The following PXYLP1 variants were observed in gnomAD, a reference collection of about 807,000 sequenced individuals.
PXYLP1 encodes the protein acid phosphatase-like 2.
Under a neutral mutation model 37.9 loss-of-function variants are expected in PXYLP1, and 17 were observed. The observed-to-expected ratio is 0.45, with a 90% CI of 0.31 to 0.67. The LOEUF (loss-of-function observed/expected upper bound fraction) is 0.67. Ranked by LOEUF, PXYLP1 falls within the 30% of genes least tolerant of loss-of-function variation. PXYLP1 has a pLI of 0.07. For synonymous variants in PXYLP1, 221 were observed against 232.2 expected, an observed-to-expected ratio of 0.95 and a Z score of 0.44; for missense variants, 511 against 612.0, an observed-to-expected ratio of 0.84 and a Z score of 1.74.
intron 2 of PXYLP1, among the ~76,000 whole-genome samples, chr3:141,271,602 A>G (rs1017333406): frequency 3.3e-5 from 5 of 152,132 alleles, no homozygotes; most frequent in African/African-American, 1.2e-4. Context: ...ATTTCCCGGG[A>G]AACTCTGGGT....
chr3:141,260,684 C>T (rs531530160), intron 2 of PXYLP1, among the ~76,000 whole-genome samples: 1 of 152,218 alleles, frequency 6.6e-6, no homozygotes, highest in Non-Finnish European at 1.5e-5. Context: ...AAACCCACCC[C>T]CCAGGCAGCA....
In PXYLP1 at chr3:141,293,017, G is replaced by T; in HGVS notation, c.1255G>T (p.Val419Phe). The T allele has an allele frequency of 1.2e-6, 2 of 1,614,128 alleles. No individual in the cohort carries two copies. The highest frequency in any genetic ancestry group is 8.5e-7 in the Non-Finnish European group (1 of 1,180,022). Residue 419 changes from valine (V) to phenylalanine (F), a missense_variant, in exon 6 of 6, where the codon GTC becomes TTC. Coordinates refer to ENST00000286353, the MANE Select transcript of PXYLP1 (RefSeq NM_001037172.3). The part of the protein sequence containing the change: ...QDREKPSEHS[V>F]RILYNGVDVT... ...CAGAGAAAAGCCCAGTGAACATTCC[G>T]TCCGGATTCTTTACAATGGCGTCGA...
chr3:141,293,251 T>C lies in PXYLP1; in HGVS notation c.*46T>C, dbSNP rs750783197. ...ATAGAATCCATGCCAATACAGAGCA[T>C]AGGGAAAGGTCCACTTCTAGTTTTG... On this transcript the variant is annotated 3_prime_UTR_variant, in exon 6 of 6. Coordinates refer to ENST00000286353, the MANE Select transcript of PXYLP1 (RefSeq NM_001037172.3). 5 of 1,529,250 alleles carry C rather than the reference T, an allele frequency of 3.3e-6. No homozygotes were observed. Among genetic ancestry groups the C allele is most frequent in the Non-Finnish European group, 4.4e-6 (5 of 1,130,034 alleles). 94.7% of individuals were successfully genotyped at this position (1,529,250 alleles called of 1,614,324 possible). A position where few individuals can be genotyped will look rare whatever the true frequency, so the allele number is the denominator to read the frequency against.
At position 141,267,507 on chromosome 3, in the gene PXYLP1, G is replaced by C; in HGVS notation, c.79+7253G>C. ...AAATTCTGTATTTTTTGTTAATTTT[G>C]GTCCTTTTCTTAAAGATTTTACTTT... is the stretch of plus-strand genomic sequence containing the variant. On this transcript the variant is annotated intron_variant, in intron 2 of 5. Coordinates refer to ENST00000286353, the MANE Select transcript of PXYLP1 (RefSeq NM_001037172.3). The C allele has an allele frequency of 2.0e-5, 3 of 151,814 alleles. No homozygotes were observed. In the South Asian group the frequency reaches 6.2e-4, roughly 32 times the overall value. The allele number at this position is 151,814 out of a possible 1,614,324, so 9.4% of individuals were successfully genotyped here.
At chr3:141,283,712 G>T (rs2148826132) in intron 4 of PXYLP1, among the ~76,000 whole-genome samples, 1 of 152,038 alleles carries the variant, frequency 6.6e-6, no homozygotes, top group South Asian at 2.1e-4. Context: ...TTCCAGCTAT[G>T]TATGCTCTTT....
At chr3:141,282,795 G>C (rs142798222) in intron 4 of PXYLP1, among the ~76,000 whole-genome samples, 339 of 152,336 alleles carry the variant, frequency 2.2e-3, no homozygotes, top group African/African-American at 7.8e-3. Flanking sequence ...GGGTATGAAA[G>C]GCAGGCCCGA....
intron 2 of PXYLP1, chr3:141,273,152 G>T: frequency 1.0e-6 from 1 of 985,372 alleles, no homozygotes; most frequent in Non-Finnish European, 1.2e-6. Flanking sequence ...ATGTCTGACT[G>T]TCCCCCGCAA....
chr3:141,293,532 C>T lies in PXYLP1; in HGVS notation c.*327C>T. On this transcript the variant is annotated 3_prime_UTR_variant, in exon 6 of 6. Coordinates refer to ENST00000286353, the MANE Select transcript of PXYLP1 (RefSeq NM_001037172.3). ...CACTCTTCTGGCCTGCCCCATGTTA[C>T]TATGTGATGGAACCAGCACACCTCA... 1 of 252,884 alleles carries T rather than the reference C, an allele frequency of 4.0e-6. No homozygotes were observed. The highest frequency in any genetic ancestry group is 7.6e-6 in the Non-Finnish European group (1 of 132,016). 15.7% of individuals were successfully genotyped at this position (252,884 alleles called of 1,614,324 possible). A position where few individuals can be genotyped will look rare whatever the true frequency, so the allele number is the denominator to read the frequency against.
chr3:141,247,328 C>G (rs1940983406), intron 1 of PXYLP1, among the ~76,000 whole-genome samples: 1 of 152,232 alleles, frequency 6.6e-6, no homozygotes, highest in East Asian at 1.9e-4. Context: ...GACCAGAGAT[C>G]TGATGACTCC....
In PXYLP1 at chr3:141,262,803, G is replaced by A. The variant is rs150758292; in HGVS notation, c.79+2549G>A. ...CATTTATTTAATTGCTTTATTGGTT[G>A]CTTATTATTATACTGTAAGAAACAG... is the stretch of plus-strand genomic sequence containing the variant. On this transcript the variant is annotated intron_variant, in intron 2 of 5. Transcript: ENST00000286353. 1.6e-3 allele frequency: 1,727 copies of A among 1,083,348 alleles called. 21 individuals carry two copies. In the African/African-American group the frequency reaches 0.024, roughly 15 times the overall value. The allele number at this position is 1,083,348 out of a possible 1,614,324, so 67.1% of individuals were successfully genotyped here. A position where few individuals can be genotyped will look rare whatever the true frequency, so the allele number is the denominator to read the frequency against.
chr3:141,238,761 A>G (rs144130103), intron 1 of PXYLP1, among the ~76,000 whole-genome samples: 9 of 152,328 alleles, frequency 5.9e-5, no homozygotes, highest in African/African-American at 1.7e-4. Flanking sequence ...CATATTTTGT[A>G]TGTTGTATGT....
At chr3:141,287,516 G>A (rs1012630204) in intron 5 of PXYLP1, 63 bp downstream of exon 5, 45 of 1,570,986 alleles carry the variant, frequency 2.9e-5, no homozygotes, top group South Asian at 1.9e-4. Context: ...CATACCTTCC[G>A]AGCAGTTCTC....
chr3:141,253,942 C>G (rs1941201306), intron 1 of PXYLP1, among the ~76,000 whole-genome samples: 2 of 150,808 alleles, frequency 1.3e-5, no homozygotes, highest in African/African-American at 4.9e-5. Flanking sequence ...GATGAAGTTT[C>G]TCTTTGTCAC....
intron 2 of PXYLP1, among the ~76,000 whole-genome samples, chr3:141,275,645 G>A (rs1250708029): frequency 6.6e-6 from 1 of 152,216 alleles, no homozygotes; most frequent in Non-Finnish European, 1.5e-5. Flanking sequence ...CACCTGGGCT[G>A]TGTTAGCCAT....
At chr3:141,290,435 C>T (rs1051737820) in intron 5 of PXYLP1, among the ~76,000 whole-genome samples, 5 of 152,114 alleles carry the variant, frequency 3.3e-5, no homozygotes, top group African/African-American at 9.7e-5. Context: ...TGAGAGGCTC[C>T]CAATAAATGC....
chr3:141,267,630 A>AC (rs397793104), intron 2 of PXYLP1: 3 of 149,152 alleles, frequency 2.0e-5, no homozygotes, highest in South Asian at 4.3e-4. Flanking sequence ...AAAAAAAAAA[A>AC]CACCATAGAT....
Position 141,242,333 on chromosome 3 carries a change from G to A in PXYLP1, c.-54+10422G>A, listed in dbSNP as rs189819187. On this transcript the variant is annotated intron_variant, in intron 1 of 5. Coordinates refer to ENST00000286353, the MANE Select transcript of PXYLP1 (RefSeq NM_001037172.3). ...TCTCCATGGGGCCCGCTGGAGGCTG[G>A]TGTGCAGTCCATCAGGTGTTCATGT... Among the ~76,000 whole-genome samples the A allele has an allele frequency of 5.3e-3, 806 of 152,310 alleles. 10 individuals carry two copies. Among genetic ancestry groups the A allele is most frequent in the African/African-American group, 0.019 (771 of 41,574 alleles).
At chr3:141,232,550 G>T (rs9875630) in intron 1 of PXYLP1, 79,856 of 152,290 alleles carry the variant, frequency 0.52, 22,194 homozygotes, top group South Asian at 0.7. Context: ...GGGGCCGCCC[G>T]AGCGCAGGTT....
At chr3:141,288,993 T>C (rs1265956142) in intron 5 of PXYLP1, among the ~76,000 whole-genome samples, 1 of 152,176 alleles carries the variant, frequency 6.6e-6, no homozygotes, top group African/African-American at 2.4e-5. Context: ...AAGAAACTAA[T>C]TTACTACCTA....
Sources: allele counts gnomAD v4.1 joint callset (sites outside exome capture counted in the v4.1 genomes callset), GRCh38; gene constraint gnomAD v4.1.1; transcripts MANE v1.5; gene names NCBI Gene and HGNC (gene_info 2026-07-23, HGNC 2026-07-21).